Variants in ITIH5 observed in about 807,000 individuals in gnomAD.
ITIH5 encodes the protein inter-alpha-trypsin inhibitor heavy chain 5, also known as inter-alpha-trypsin inhibitor heavy chain H5.
In ITIH5, 65 loss-of-function variants were observed where a neutral mutation model predicts 77.5. That is an observed-to-expected ratio of 0.84 (90% confidence interval 0.69 to 1.03). The LOEUF is 1.03. Among genes scored for constraint, ITIH5 ranks in the 50% least tolerant of loss-of-function variants. The pLI, the probability that ITIH5 is intolerant of heterozygous loss-of-function variation, is 0.00. For synonymous variants in ITIH5, 525 were observed against 494.3 expected, an observed-to-expected ratio of 1.06 and a Z score of -0.82; for missense variants, 1,208 against 1,213.1, an observed-to-expected ratio of 1.00 and a Z score of 0.06.
chr10:7,616,759 C>T (rs567325158), intron 6 of ITIH5, among the ~76,000 whole-genome samples: 5 of 152,116 alleles, frequency 3.3e-5, no homozygotes, highest in African/African-American at 9.6e-5. Context: ...ACCTGGGAGA[C>T]GAAGGTTGCA....
intron 7 of ITIH5, among the ~76,000 whole-genome samples, chr10:7,604,142 T>C (rs1833074249): frequency 6.6e-6 from 1 of 152,186 alleles, no homozygotes; most frequent in Admixed American, 6.5e-5. Context: ...AATCACCTGC[T>C]CACATGCTTC....
intron 2 of ITIH5, among the ~76,000 whole-genome samples, chr10:7,647,979 C>T (rs1834032562): frequency 6.6e-6 from 1 of 151,926 alleles, no homozygotes; most frequent in African/African-American, 2.4e-5. Context: ...CACAGTGGCT[C>T]ATGCCTGTAA....
chr10:7,610,069 C>CTTTTTTTTTTTTTTT (rs5782989), intron 7 of ITIH5, among the ~76,000 whole-genome samples: 17 of 86,704 alleles, frequency 2.0e-4, no homozygotes, highest in Non-Finnish European at 2.7e-4. Context: ...TTTCTTTTTT[C>CTTTTTTTTTTTTTTT]TTTTTTTTTT....
Position 7,641,909 on chromosome 10 carries a change from G to A in ITIH5, c.299+18C>T, listed in dbSNP as rs1427811023. On this transcript the variant is annotated intron_variant, in intron 3 of 13. Transcript: ENST00000397146. ...ACCCTAGGCAGAAATCTTCATCCCT[G>A]ACCAGCGTGTCACCTACATAGTGAA... is the stretch of plus-strand genomic sequence containing the variant. 2.5e-6 allele frequency: 4 copies of A among 1,613,174 alleles called. No individual in the cohort carries two copies. In the East Asian group the frequency reaches 8.9e-5, roughly 36 times the overall value.
chr10:7,612,556 C>G (rs765074246), intron 7 of ITIH5, among the ~76,000 whole-genome samples: 3 of 151,778 alleles, frequency 2.0e-5, no homozygotes, highest in South Asian at 2.1e-4. Context: ...ATTCGGTAGT[C>G]ACAGGAATTC....
At chr10:7,644,699 T>C (rs1319401257) in intron 2 of ITIH5, among the ~76,000 whole-genome samples, 1 of 125,212 alleles carries the variant, frequency 8.0e-6, no homozygotes, top group Non-Finnish European at 1.5e-5. Context: ...ATATCACATA[T>C]CTATATCACA....
At chr10:7,655,583 A>G in intron 2 of ITIH5, 48 bp downstream of exon 2, 1 of 1,457,942 alleles carries the variant, frequency 6.9e-7, no homozygotes, top group Non-Finnish European at 9.6e-7. Flanking sequence ...CAAAATAAAT[A>G]GAAGAATGAG....
intron 2 of ITIH5, among the ~76,000 whole-genome samples, chr10:7,652,679 T>C (rs954101427): frequency 6.4e-4 from 97 of 152,316 alleles, no homozygotes; most frequent in African/African-American, 2.2e-3. Context: ...AAGCCTCTTT[T>C]TCCTTTCCTT....
Position 7,585,926 on chromosome 10 carries a change from G to A in ITIH5, c.1083C>T (p.Tyr361=). 6.2e-7 allele frequency: 1 copy of A among 1,613,246 alleles called. No individual in the cohort carries two copies. The highest frequency in any genetic ancestry group is 8.5e-7 in the Non-Finnish European group (1 of 1,179,584). The change falls in exon 8 of 14, where the codon TAC becomes TAT. Residue 361 remains tyrosine, a synonymous_variant. Transcript: ENST00000397146. ...CTCCAGTGGGTGACATATGGTGAATGTACACTTTCCCATCCCTGATGCTGT... is the reference window on the plus strand; with the variant it reads ...CTCCAGTGGGTGACATATGGTGAATATACACTTTCCCATCCCTGATGCTGT... The part of the protein sequence containing the change: ...TPDSIRDGKV[Y]IHHMSPTGGT...
rs1312283706 is a variant in ITIH5, at chr10:7,580,021, G to C, written c.1152C>G (p.Leu384=). ...NGALQRAIRL[L]NKYVAHSGIG... ...TGCCACTGTGGGCCACGTACTTGTTGAGGAGCCTGATGGCCCTCTGCAGGG... is the reference window on the plus strand; with the variant it reads ...TGCCACTGTGGGCCACGTACTTGTTCAGGAGCCTGATGGCCCTCTGCAGGG... Residue 384 remains leucine, a synonymous_variant, in exon 9 of 14, where the codon CTC becomes CTG. Coordinates refer to ENST00000397146, the MANE Select transcript of ITIH5 (RefSeq NM_030569.7). 6.2e-7 allele frequency: 1 copy of C among 1,612,710 alleles called. No homozygotes were observed. The highest frequency in any genetic ancestry group is 1.1e-5 in the South Asian group (1 of 90,878).
Position 7,576,241 on chromosome 10 carries a change from G to A in ITIH5, c.1978+212C>T, listed in dbSNP as rs527385764. Among the ~76,000 whole-genome samples the A allele has an allele frequency of 3.9e-5, 6 of 152,188 alleles. No individual in the cohort carries two copies. In the East Asian group the frequency reaches 1.2e-3, roughly 29 times the overall value. ...AGGGTCTCTCTGTGTTGCCCAAGCT[G>A]GTATTGAACTCATGGCCTCAAGGGA... On this transcript the variant is annotated intron_variant, in intron 10 of 13. Transcript: ENST00000397146.
At chr10:7,622,109 CA>C (rs1833483882) in intron 5 of ITIH5, 3 of 152,302 alleles carry the variant, frequency 2.0e-5, no homozygotes, top group Admixed American at 2.0e-4. Flanking sequence ...CCCAGGGACA[CA>C]CAACTGCCTC....
chr10:7,647,021 TCTGCCA>T (rs879907453), intron 2 of ITIH5, among the ~76,000 whole-genome samples: 6 of 152,226 alleles, frequency 3.9e-5, no homozygotes, highest in Admixed American at 3.9e-4. Flanking sequence ...GAAAATGCAA[TCTGCCA>T]CTGAACAAAA....
chr10:7,646,471 TA>T (rs1181300425), intron 2 of ITIH5, among the ~76,000 whole-genome samples: 3 of 152,242 alleles, frequency 2.0e-5, no homozygotes, highest in African/African-American at 7.2e-5. Context: ...GTGATATAGT[TA>T]GTTCATCTTT....
intron 7 of ITIH5, among the ~76,000 whole-genome samples, chr10:7,588,223 A>C (rs531391222): frequency 6.6e-6 from 1 of 152,224 alleles, no homozygotes; most frequent in Non-Finnish European, 1.5e-5. Context: ...ATCTCCACTA[A>C]TAATACAAAA....
At chr10:7,575,133 T>C (rs11255196) in intron 10 of ITIH5, among the ~76,000 whole-genome samples, 31,033 of 152,180 alleles carry the variant, frequency 0.2, 3,403 homozygotes, top group African/African-American at 0.28. Flanking sequence ...TTCAATACAT[T>C]TCTGGTATTC....
intron 5 of ITIH5, among the ~76,000 whole-genome samples, chr10:7,624,318 A>C (rs931444449): frequency 2.8e-5 from 4 of 141,920 alleles, no homozygotes; most frequent in Admixed American, 7.0e-5. Flanking sequence ...GACCAGCCTG[A>C]CCAACATGGA....
chr10:7,632,505 T>C (rs577706935), intron 5 of ITIH5, among the ~76,000 whole-genome samples: 1 of 152,286 alleles, frequency 6.6e-6, no homozygotes, highest in Admixed American at 6.5e-5. Flanking sequence ...GGATAAACTA[T>C]GAAAATCATA....
intron 7 of ITIH5, among the ~76,000 whole-genome samples, chr10:7,595,535 T>C (rs1832878013): frequency 6.6e-6 from 1 of 152,220 alleles, no homozygotes. Flanking sequence ...TAATACTATT[T>C]TATGGTGATG....
Sources: allele counts gnomAD v4.1 joint callset (sites outside exome capture counted in the v4.1 genomes callset), GRCh38; gene constraint gnomAD v4.1.1; transcripts MANE v1.5; gene names NCBI Gene and HGNC (gene_info 2026-07-23, HGNC 2026-07-21).